The following MICU2 variants were observed in gnomAD, a reference collection of about 807,000 sequenced individuals.
The protein encoded by MICU2 is mitochondrial calcium uptake 2.
A neutral mutation model predicts 60.4 loss-of-function variants in MICU2; 64 were observed. The ratio of observed to expected loss-of-function variants is 1.06; its 90% CI spans 0.87 to 1.31. MICU2 has a LOEUF of 1.31. Among genes scored for constraint, MICU2 ranks in the 50% most tolerant of loss-of-function variants. The pLI is 0.00. For missense variants in MICU2, 569 were observed against 531.0 expected (o/e 1.07, Z -0.70); for synonymous variants, 201 against 175.0 (o/e 1.15, Z -1.17).
Position 21,499,035 on chromosome 13 carries a change from C to T in MICU2, c.934-2875G>A, listed in dbSNP as rs955581291. Among the ~76,000 whole-genome samples, 8 of 151,980 alleles carry T rather than the reference C, an allele frequency of 5.3e-5. No homozygotes were observed. In the South Asian group the frequency reaches 1.7e-3, roughly 32 times the overall value. ...GCGTGATCTTGGCTCACCAGAACCTCCGCCTCCCTCATTCAAGCGATTCTT... is the reference window on the plus strand; with the variant it reads ...GCGTGATCTTGGCTCACCAGAACCTTCGCCTCCCTCATTCAAGCGATTCTT... On this transcript the variant is annotated intron_variant, in intron 9 of 11. Transcript: ENST00000382374.
chr13:21,556,419 TCC>T (rs1476776774), intron 2 of MICU2, among the ~76,000 whole-genome samples: 3 of 152,362 alleles, frequency 2.0e-5, no homozygotes, highest in African/African-American at 7.2e-5. Flanking sequence ...CACCACTCAG[TCC>T]TTTGACTTAT....
At position 21,548,966 on chromosome 13, in the gene MICU2, A is replaced by G. The variant is rs1255084597; in HGVS notation, c.359-9278T>C. ...TTTTGGGACGGAGTCTCCTTCTGTC[A>G]CCCAGGCTGGAGTGCAGTGGCACAA... On this transcript the variant is annotated intron_variant, in intron 2 of 11. Transcript: ENST00000382374. 9.8e-5 allele frequency among the ~76,000 whole-genome samples: 12 copies of G among 122,238 alleles called. No homozygotes were observed. The Admixed American group carries it at 1.3e-3, about 13-fold the overall frequency. 80.2% of individuals were successfully genotyped at this position (122,238 alleles called of 152,430 possible). A position where few individuals can be genotyped will look rare whatever the true frequency, so the allele number is the denominator to read the frequency against.
chr13:21,555,748 C>A (rs145612559), intron 2 of MICU2, among the ~76,000 whole-genome samples: 12 of 152,056 alleles, frequency 7.9e-5, no homozygotes, highest in Admixed American at 2.6e-4. Context: ...ACCTTCCCCC[C>A]CTCTTCACTC....
chr13:21,546,355 C>A (rs1887419233), intron 2 of MICU2, among the ~76,000 whole-genome samples: 1 of 143,198 alleles, frequency 7.0e-6, no homozygotes, highest in African/African-American at 2.6e-5. Context: ...TTATACACAA[C>A]AAATTATTTA....
At chr13:21,538,299 G>A (rs774088217) in intron 4 of MICU2, among the ~76,000 whole-genome samples, 14 of 151,914 alleles carry the variant, frequency 9.2e-5, no homozygotes, top group Non-Finnish European at 1.9e-4. Flanking sequence ...GTCTGGTGTG[G>A]TGGCTCATGC....
chr13:21,521,546 C>A (rs934476071), intron 5 of MICU2, among the ~76,000 whole-genome samples: 3 of 152,204 alleles, frequency 2.0e-5, no homozygotes, highest in African/African-American at 7.2e-5. Flanking sequence ...TGCTGCTGCT[C>A]TGCTAGTAAG....
At chr13:21,575,888 G>T (rs2138051423) in intron 1 of MICU2, among the ~76,000 whole-genome samples, 2 of 152,216 alleles carry the variant, frequency 1.3e-5, no homozygotes, top group East Asian at 3.9e-4. Flanking sequence ...CTCCACAGGA[G>T]AAGGTAAAAT....
chr13:21,593,364 G>C (rs1459954124), intron 1 of MICU2, among the ~76,000 whole-genome samples: 2 of 151,796 alleles, frequency 1.3e-5, no homozygotes, highest in Admixed American at 1.3e-4. Context: ...AAATAAAAGA[G>C]GACATAAACA....
At chr13:21,568,692 C>G (rs965136072) in intron 1 of MICU2, among the ~76,000 whole-genome samples, 1 of 152,116 alleles carries the variant, frequency 6.6e-6, no homozygotes, top group East Asian at 1.9e-4. Context: ...CAAGATAGGC[C>G]ATTAACTCTA....
At chr13:21,512,931 CAT>C (rs1040206951) in intron 7 of MICU2, among the ~76,000 whole-genome samples, 18 of 152,098 alleles carry the variant, frequency 1.2e-4, no homozygotes, top group African/African-American at 4.3e-4. Flanking sequence ...TTCTTTTACA[CAT>C]AGATATCCAG....
intron 9 of MICU2, 181 bp from the exon 10 acceptor site, chr13:21,496,341 G>A (rs77719966): frequency 0.014 from 7,463 of 542,384 alleles, 441 homozygotes; most frequent in African/African-American, 0.13. Context: ...AAAGGGCACA[G>A]TGAGAAGGTG....
Position 21,569,240 on chromosome 13 carries a change from C to T in MICU2, c.211-2296G>A, listed in dbSNP as rs149097255. Among the ~76,000 whole-genome samples, 25 of 152,270 alleles carry T rather than the reference C, an allele frequency of 1.6e-4. No individual in the cohort carries two copies. The East Asian group carries it at 2.1e-3, about 13-fold the overall frequency. Reference sequence around the variant, plus strand: ...GGTGAGGTATAAAACCTTCCAACAACGCTATCAACATCCCCCCAATTAATT... The same window carrying T: ...GGTGAGGTATAAAACCTTCCAACAATGCTATCAACATCCCCCCAATTAATT... On this transcript the variant is annotated intron_variant, in intron 1 of 11. Transcript: ENST00000382374.
chr13:21,586,973 T>C (rs1354040982), intron 1 of MICU2, among the ~76,000 whole-genome samples: 1 of 152,216 alleles, frequency 6.6e-6, no homozygotes, highest in Non-Finnish European at 1.5e-5. Context: ...CCATTATTAT[T>C]TGTCTGACAT....
At chr13:21,554,618 A>G (rs1239003370) in intron 2 of MICU2, among the ~76,000 whole-genome samples, 1 of 152,210 alleles carries the variant, frequency 6.6e-6, no homozygotes, top group Non-Finnish European at 1.5e-5. Context: ...TCACAATTAA[A>G]AGAACTAGAG....
Position 21,595,539 on chromosome 13 carries a change from C to T in MICU2, c.210+8400G>A, listed in dbSNP as rs187188747. Among the ~76,000 whole-genome samples the T allele has an allele frequency of 7.2e-5, 11 of 152,374 alleles. No individual in the cohort carries two copies. In the East Asian group the frequency reaches 2.1e-3, roughly 29 times the overall value. On this transcript the variant is annotated intron_variant, in intron 1 of 11. Transcript: ENST00000382374. The stretch of plus-strand genomic sequence containing the variant: ...GGCAGCTCCAGGGGCCCTTAGGCCA[C>T]ACACAACCCACCAGGCTGCAGCTAT...
chr13:21,521,951 AT>A (rs1251019018), intron 5 of MICU2, among the ~76,000 whole-genome samples: 4 of 151,846 alleles, frequency 2.6e-5, no homozygotes, highest in Non-Finnish European at 5.9e-5. Context: ...CAAATTTTTA[AT>A]TTTTTTTGTA....
intron 1 of MICU2, among the ~76,000 whole-genome samples, chr13:21,596,063 C>T (rs1017583621): frequency 2.0e-5 from 3 of 152,172 alleles, no homozygotes; most frequent in African/African-American, 7.2e-5. Context: ...TATTCAAAAT[C>T]CTTCCAGGAG....
intron 2 of MICU2, among the ~76,000 whole-genome samples, chr13:21,560,125 C>T (rs1367103707): frequency 3.3e-5 from 5 of 151,972 alleles, no homozygotes; most frequent in Admixed American, 3.3e-4. Context: ...AAGTCTTTGG[C>T]TTACCTTTTC....
chr13:21,514,706 T>C (rs1853644731), intron 6 of MICU2, among the ~76,000 whole-genome samples: 1 of 151,568 alleles, frequency 6.6e-6, no homozygotes, highest in South Asian at 2.1e-4. Flanking sequence ...TAATTTTTTT[T>C]TTTTTTTGTA....
Sources: allele counts gnomAD v4.1 joint callset (sites outside exome capture counted in the v4.1 genomes callset), GRCh38; gene constraint gnomAD v4.1.1; transcripts MANE v1.5; gene names NCBI Gene and HGNC (gene_info 2026-07-23, HGNC 2026-07-21).